Variants in LINGO2 observed in about 807,000 individuals in gnomAD.
The protein encoded by LINGO2 is leucine-rich repeat and immunoglobulin-like domain-containing nogo receptor-interacting protein 2.
LINGO2 carries 14 observed loss-of-function variants against 30.6 expected under a neutral mutation model. The observed-to-expected ratio is 0.46, with a 90% CI of 0.30 to 0.72. The LOEUF is 0.72. LINGO2 is among the 30% of genes least tolerant of loss of function. The pLI is 0.07. For synonymous variants in LINGO2, 317 were observed against 288.5 expected (o/e 1.10, Z -1.00); for missense variants, 729 against 751.7 (o/e 0.97, Z 0.35).
the LINGO2 span, among the ~76,000 whole-genome samples, chr9:28,934,679 G>T: frequency 2.0e-5 from 3 of 148,292 alleles, no homozygotes; most frequent in Non-Finnish European, 4.5e-5. Context: ...AGCAAAAAAA[G>T]GGATAAAAAA....
chr9:28,389,596 G>A (rs548094584), intron 2 of LINGO2, among the ~76,000 whole-genome samples: 1 of 152,186 alleles, frequency 6.6e-6, no homozygotes, highest in Non-Finnish European at 1.5e-5. Flanking sequence ...TCTCTTAGAG[G>A]ATTCACAGTC....
chr9:28,802,584 G>A, the LINGO2 span, among the ~76,000 whole-genome samples: 1 of 151,946 alleles, frequency 6.6e-6, no homozygotes, highest in Non-Finnish European at 1.5e-5. Flanking sequence ...GTCTAATTTT[G>A]TCTCTAATAT....
At chr9:27,989,686 A>C (rs922244795) in intron 5 of LINGO2, among the ~76,000 whole-genome samples, 5 of 152,014 alleles carry the variant, frequency 3.3e-5, no homozygotes, top group Non-Finnish European at 7.4e-5. Flanking sequence ...AACACAGATA[A>C]CTATGAGTTA....
the LINGO2 span, among the ~76,000 whole-genome samples, chr9:28,762,994 C>T: frequency 6.6e-6 from 1 of 152,022 alleles, no homozygotes; most frequent in African/African-American, 2.4e-5. Flanking sequence ...CCTTCTCCAT[C>T]CTTAAACAGA....
At chr9:29,046,031 T>C in the LINGO2 span, among the ~76,000 whole-genome samples, 16 of 152,304 alleles carry the variant, frequency 1.1e-4, no homozygotes, top group South Asian at 2.9e-3. Context: ...AGAGGAGCTT[T>C]CAGGCCAAAA....
chr9:28,855,106 A>G, the LINGO2 span, among the ~76,000 whole-genome samples: 2 of 151,986 alleles, frequency 1.3e-5, no homozygotes, highest in African/African-American at 4.8e-5. Flanking sequence ...TCCTTCAGAG[A>G]TTGATAAACG....
chr9:28,724,648 C>A, the LINGO2 span, among the ~76,000 whole-genome samples: 5 of 152,038 alleles, frequency 3.3e-5, no homozygotes, highest in African/African-American at 1.2e-4. Flanking sequence ...TAACTGTATC[C>A]ACCTCAGATC....
the LINGO2 span, among the ~76,000 whole-genome samples, chr9:28,711,331 CT>C: frequency 6.6e-6 from 1 of 151,972 alleles, no homozygotes; most frequent in Non-Finnish European, 1.5e-5. Flanking sequence ...ATTAATTCTC[CT>C]CAAAATTCAG....
chr9:28,321,213 CCAAA>C (rs1191919289), intron 3 of LINGO2, among the ~76,000 whole-genome samples: 4 of 152,074 alleles, frequency 2.6e-5, no homozygotes, highest in South Asian at 2.1e-4. Flanking sequence ...GAGAAAATAC[CCAAA>C]CAAATTACCT....
chr9:28,849,660 CCTT>C, the LINGO2 span, among the ~76,000 whole-genome samples: 1 of 151,922 alleles, frequency 6.6e-6, no homozygotes, highest in East Asian at 1.9e-4. Context: ...GCCTGTAGGT[CCTT>C]CTACTTAACA....
intron 4 of LINGO2, among the ~76,000 whole-genome samples, chr9:28,032,100 A>G (rs1158509812): frequency 6.6e-6 from 1 of 151,842 alleles, no homozygotes; most frequent in Admixed American, 6.6e-5. Context: ...AGCTGGGGGG[A>G]AAATAAAAAC....
At chr9:28,039,118 C>T (rs981116048) in intron 4 of LINGO2, among the ~76,000 whole-genome samples, 135 of 152,218 alleles carry the variant, frequency 8.9e-4, no homozygotes, top group African/African-American at 3.2e-3. Flanking sequence ...GAGGACGGAC[C>T]TCTATATGAA....
At chr9:28,027,799 C>T (rs1823457347) in intron 4 of LINGO2, among the ~76,000 whole-genome samples, 1 of 152,110 alleles carries the variant, frequency 6.6e-6, no homozygotes, top group African/African-American at 2.4e-5. Context: ...TAAGGAGCTT[C>T]CCATATATTC....
At chr9:28,899,048 A>G in the LINGO2 span, among the ~76,000 whole-genome samples, 1 of 89,348 alleles carries the variant, frequency 1.1e-5, no homozygotes, top group Non-Finnish European at 2.5e-5. Context: ...TAATTTGGAC[A>G]ACTATTGTTT....
the LINGO2 span, among the ~76,000 whole-genome samples, chr9:28,883,222 T>C: frequency 6.6e-6 from 1 of 152,070 alleles, no homozygotes; most frequent in Non-Finnish European, 1.5e-5. Flanking sequence ...AGAGACGGAG[T>C]CTTGCTCTGT....
At chr9:28,323,931 G>C (rs1825135360) in intron 3 of LINGO2, among the ~76,000 whole-genome samples, 1 of 152,138 alleles carries the variant, frequency 6.6e-6, no homozygotes, top group Non-Finnish European at 1.5e-5. Context: ...AAGACAGGTA[G>C]GTTAACGAAG....
the LINGO2 span, among the ~76,000 whole-genome samples, chr9:28,860,554 T>A: frequency 4.0e-5 from 6 of 151,748 alleles, no homozygotes; most frequent in Non-Finnish European, 7.4e-5. Context: ...TTATGATAAA[T>A]CCCTCTCTCT....
At chr9:28,621,242 G>A (rs1826376359) in intron 1 of LINGO2, among the ~76,000 whole-genome samples, 1 of 151,882 alleles carries the variant, frequency 6.6e-6, no homozygotes, top group African/African-American at 2.4e-5. Context: ...TGTTAATGAT[G>A]ATTACCACTA....
the LINGO2 span, among the ~76,000 whole-genome samples, chr9:29,018,589 G>A: frequency 6.6e-6 from 1 of 152,072 alleles, no homozygotes. Context: ...CTATTTGGAA[G>A]ATAAAGAAAC....
Sources: allele counts gnomAD v4.1 joint callset (sites outside exome capture counted in the v4.1 genomes callset), GRCh38; gene constraint gnomAD v4.1.1; transcripts MANE v1.5; gene names NCBI Gene and HGNC (gene_info 2026-07-23, HGNC 2026-07-21).